Variants in ATOSA observed in about 807,000 individuals in gnomAD.
ATOSA encodes the protein atos homolog protein A.
chr15:52,684,994 A>T, the ATOSA span, among the ~76,000 whole-genome samples: 1 of 152,254 alleles, frequency 6.6e-6, no homozygotes, highest in African/African-American at 2.4e-5. Flanking sequence ...GATACTTTAA[A>T]AATATTGATC....
At chr15:52,698,677 T>C in the ATOSA span, among the ~76,000 whole-genome samples, 5 of 152,202 alleles carry the variant, frequency 3.3e-5, no homozygotes, top group Non-Finnish European at 5.9e-5. Flanking sequence ...AACTAAAAGA[T>C]GTTTATAGAA....
chr15:52,686,949 A>G, the ATOSA span, among the ~76,000 whole-genome samples: 1 of 152,202 alleles, frequency 6.6e-6, no homozygotes, highest in Non-Finnish European at 1.5e-5. Context: ...ATTGGTCTTT[A>G]TTTCTAAAAT....
the ATOSA span, among the ~76,000 whole-genome samples, chr15:52,622,334 G>A: frequency 6.6e-6 from 1 of 152,122 alleles, no homozygotes; most frequent in African/African-American, 2.4e-5. Context: ...TTCCATATGA[G>A]AAACACATGG....
At chr15:52,599,608 A>G in the ATOSA span, among the ~76,000 whole-genome samples, 2 of 152,188 alleles carry the variant, frequency 1.3e-5, no homozygotes, top group East Asian at 3.8e-4. Flanking sequence ...GAAACCCATG[A>G]TTTCTACTTG....
At chr15:52,587,383 G>A in the ATOSA span, 4 of 570,184 alleles carry the variant, frequency 7.0e-6, no homozygotes, top group East Asian at 3.2e-5. Flanking sequence ...CTACCCCTAA[G>A]GAAACATTTT....
chr15:52,669,231 A>G, the ATOSA span, among the ~76,000 whole-genome samples: 3 of 151,976 alleles, frequency 2.0e-5, no homozygotes. Context: ...TGAAATTTTT[A>G]ATTATAATAA....
At chr15:52,612,485 G>A in the ATOSA span, among the ~76,000 whole-genome samples, 3 of 145,624 alleles carry the variant, frequency 2.1e-5, no homozygotes, top group East Asian at 4.0e-4. Context: ...TTCATTAAAC[G>A]CTCAAAATAA....
chr15:52,661,944 AAAAAAAAACAGC>A, the ATOSA span, among the ~76,000 whole-genome samples: 1 of 151,492 alleles, frequency 6.6e-6, no homozygotes, highest in East Asian at 1.9e-4. Flanking sequence ...AAAAAAAAAA[AAAAAAAAACAGC>A]AAAAAAAAGG....
the ATOSA span, among the ~76,000 whole-genome samples, chr15:52,687,348 C>G: frequency 6.6e-6 from 1 of 152,174 alleles, no homozygotes; most frequent in Non-Finnish European, 1.5e-5. Flanking sequence ...GAGCATGCAG[C>G]GAGCCGAGAT....
the ATOSA span, among the ~76,000 whole-genome samples, chr15:52,633,882 A>C: frequency 6.6e-6 from 1 of 152,162 alleles, no homozygotes; most frequent in African/African-American, 2.4e-5. Flanking sequence ...ATCACAATGC[A>C]TTGTGGGATT....
At chr15:52,700,962 G>GT in the ATOSA span, among the ~76,000 whole-genome samples, 34 of 152,208 alleles carry the variant, frequency 2.2e-4, no homozygotes, top group African/African-American at 6.5e-4. Context: ...CTAACAAGCT[G>GT]TTTTTTCTGG....
the ATOSA span, chr15:52,605,356 G>T: frequency 3.0e-6 from 2 of 676,734 alleles, no homozygotes; most frequent in South Asian, 2.2e-5. Context: ...AGGTATTGCT[G>T]GTGAAGCTGG....
chr15:52,678,797 C>A, the ATOSA span: 31 of 153,030 alleles, frequency 2.0e-4, no homozygotes, highest in Non-Finnish European at 3.8e-4. Flanking sequence ...CGTCCCGCCG[C>A]GGCCCCGGAT....
the ATOSA span, among the ~76,000 whole-genome samples, chr15:52,642,542 C>A: frequency 1.3e-5 from 2 of 152,212 alleles, no homozygotes; most frequent in Non-Finnish European, 2.9e-5. Flanking sequence ...CTAACTCTTA[C>A]ATCTAGCCTG....
At chr15:52,661,578 A>C in the ATOSA span, among the ~76,000 whole-genome samples, 1 of 152,188 alleles carries the variant, frequency 6.6e-6, no homozygotes, top group African/African-American at 2.4e-5. Context: ...AGAATAACAA[A>C]ATTATTTTCA....
At chr15:52,644,213 G>A in the ATOSA span, among the ~76,000 whole-genome samples, 1 of 151,916 alleles carries the variant, frequency 6.6e-6, no homozygotes, top group African/African-American at 2.4e-5. Flanking sequence ...ATGAGTCACT[G>A]CGCCTGGCCT....
At chr15:52,613,936 A>G in the ATOSA span, 2 of 1,066,368 alleles carry the variant, frequency 1.9e-6, no homozygotes, top group African/African-American at 1.6e-5. Context: ...TAAAATAACT[A>G]ATGTCACATT....
chr15:52,631,341 T>C, the ATOSA span, among the ~76,000 whole-genome samples: 1 of 152,170 alleles, frequency 6.6e-6, no homozygotes, highest in African/African-American at 2.4e-5. Context: ...GAGGTCCACA[T>C]TCTCCCATAT....
the ATOSA span, chr15:52,656,879 T>C: frequency 6.6e-6 from 1 of 152,164 alleles, no homozygotes; most frequent in Non-Finnish European, 1.5e-5. Context: ...TCTTTATCCA[T>C]ACTTCTTTTA....
Sources: allele counts gnomAD v4.1 joint callset (sites outside exome capture counted in the v4.1 genomes callset), GRCh38; gene constraint gnomAD v4.1.1; transcripts MANE v1.5; gene names NCBI Gene and HGNC (gene_info 2026-07-23, HGNC 2026-07-21).